Variants in SGCD observed in about 807,000 individuals in gnomAD.
SGCD encodes the protein sarcoglycan delta.
A neutral mutation model predicts 36.6 loss-of-function variants in SGCD; 18 were observed. The ratio of observed to expected loss-of-function variants is 0.49; its 90% CI spans 0.34 to 0.73. The LOEUF is 0.73. SGCD is among the 30% of genes least tolerant of loss of function. SGCD has a pLI of 0.01. For missense variants in SGCD, 387 were observed against 346.7 expected, an observed-to-expected ratio of 1.12 and a Z score of -0.92; for synonymous variants, 133 against 130.6, an observed-to-expected ratio of 1.02 and a Z score of -0.12.
At chr5:156,491,862 A>G (rs1755958664) in intron 3 of SGCD, among the ~76,000 whole-genome samples, 1 of 152,086 alleles carries the variant, frequency 6.6e-6, no homozygotes, top group Non-Finnish European at 1.5e-5. Context: ...GACATAACTC[A>G]TTTTTATATA....
intron 1 of SGCD, among the ~76,000 whole-genome samples, chr5:155,877,018 T>C (rs975855279): frequency 6.6e-6 from 1 of 152,146 alleles, no homozygotes; most frequent in Non-Finnish European, 1.5e-5. Flanking sequence ...AAGGAACTTA[T>C]GGTTGTACTG....
chr5:156,610,533 G>C (rs1258742783), intron 6 of SGCD, among the ~76,000 whole-genome samples: 1 of 152,250 alleles, frequency 6.6e-6, no homozygotes, highest in Non-Finnish European at 1.5e-5. Flanking sequence ...CAGATCTCCA[G>C]CTGCGTGCTG....
intron 1 of SGCD, among the ~76,000 whole-genome samples, chr5:155,908,579 T>A (rs541604488): frequency 2.0e-4 from 31 of 152,242 alleles, no homozygotes; most frequent in Admixed American, 1.0e-3. Flanking sequence ...GATTTTTGAA[T>A]CTATTTCTAC....
intron 1 of SGCD, among the ~76,000 whole-genome samples, chr5:155,902,393 T>A (rs1395125712): frequency 6.6e-6 from 1 of 152,232 alleles, no homozygotes; most frequent in Non-Finnish European, 1.5e-5. Context: ...AAGTTATTTA[T>A]CCATACTTTA....
chr5:156,544,446 C>T (rs1031207385), intron 4 of SGCD, among the ~76,000 whole-genome samples: 7 of 152,086 alleles, frequency 4.6e-5, no homozygotes, highest in African/African-American at 1.7e-4. Flanking sequence ...TGAGAATTGC[C>T]ACTCAGCCAT....
intron 3 of SGCD, among the ~76,000 whole-genome samples, chr5:156,398,359 A>G (rs1771971736): frequency 6.6e-6 from 1 of 152,204 alleles, no homozygotes. Flanking sequence ...TTAGAATCAG[A>G]AAGGCCTGTT....
chr5:156,490,178 A>G (rs1266963082), intron 3 of SGCD, among the ~76,000 whole-genome samples: 2 of 152,040 alleles, frequency 1.3e-5, no homozygotes, highest in Non-Finnish European at 2.9e-5. Flanking sequence ...GAAAACACGA[A>G]CGGAACAAAA....
At position 156,196,144 on chromosome 5, in the gene SGCD, A is replaced by T. The variant is rs541361018; in HGVS notation, c.-44+72125A>T. ...CCCAGACCTAGGAGCTGTAGCCACT[A>T]TATTGGGTCACTACCTCTGTGATGT... On this transcript the variant is annotated intron_variant, in intron 3 of 9. Transcript: ENST00000517913. Among the ~76,000 whole-genome samples, 61 of 152,240 alleles carry T rather than the reference A, an allele frequency of 4.0e-4. 1 individual carries two copies. The South Asian group carries it at 0.012, about 30-fold the overall frequency.
rs570995677 is a variant in SGCD, at chr5:156,589,172, A to C, written c.295-59A>C. Reference sequence around the variant, plus strand: ...CAGCCCCTTGGAGAGTTGTAATGACAGTTCTTTTTGTTTAGAAATCTATCA... The same window carrying C: ...CAGCCCCTTGGAGAGTTGTAATGACCGTTCTTTTTGTTTAGAAATCTATCA... On this transcript the variant is annotated intron_variant, in intron 4 of 8. Transcript: ENST00000337851. 9 of 1,250,840 alleles carry C rather than the reference A, an allele frequency of 7.2e-6. No homozygotes were observed. In the African/African-American group the frequency reaches 1.3e-4, roughly 19 times the overall value. 77.5% of individuals were successfully genotyped at this position (1,250,840 alleles called of 1,614,324 possible).
At chr5:156,519,158 C>A (rs1335448185) in intron 4 of SGCD, among the ~76,000 whole-genome samples, 4 of 152,050 alleles carry the variant, frequency 2.6e-5, no homozygotes, top group Non-Finnish European at 5.9e-5. Flanking sequence ...GATATTATCA[C>A]TGATCCCACA....
At chr5:156,519,071 G>A (rs1045162894) in intron 4 of SGCD, among the ~76,000 whole-genome samples, 10 of 149,316 alleles carry the variant, frequency 6.7e-5, no homozygotes, top group African/African-American at 2.2e-4. Flanking sequence ...CTGGTTTTTT[G>A]AAAAAAAAAT....
chr5:156,499,367 A>G (rs1330397205), intron 3 of SGCD, among the ~76,000 whole-genome samples: 5 of 152,228 alleles, frequency 3.3e-5, no homozygotes, highest in Non-Finnish European at 7.3e-5. Context: ...GGTATAGGCA[A>G]TGTACTGAGC....
intron 3 of SGCD, among the ~76,000 whole-genome samples, chr5:156,319,217 G>C (rs2127695442): frequency 6.6e-6 from 1 of 152,294 alleles, no homozygotes; most frequent in African/African-American, 2.4e-5. Context: ...GGCTCAGGAT[G>C]TTAAAACTGT....
intron 3 of SGCD, among the ~76,000 whole-genome samples, chr5:156,377,976 G>T (rs1770761132): frequency 6.6e-6 from 1 of 152,072 alleles, no homozygotes; most frequent in African/African-American, 2.4e-5. Context: ...TTTCTCCTAT[G>T]ATTTAGCAAT....
intron 3 of SGCD, among the ~76,000 whole-genome samples, chr5:156,231,062 AG>A (rs1382619918): frequency 6.6e-6 from 1 of 152,174 alleles, no homozygotes; most frequent in Non-Finnish European, 1.5e-5. Context: ...AGGAAGTGAA[AG>A]GTAATGAGTT....
intron 4 of SGCD, among the ~76,000 whole-genome samples, chr5:156,534,763 G>A (rs77385690): frequency 0.043 from 6,503 of 152,172 alleles, 297 homozygotes; most frequent in African/African-American, 0.11. Flanking sequence ...CTCTCTATCC[G>A]TAATATGGGT....
In SGCD at chr5:156,504,320, A is replaced by G. The variant is rs1756594133; in HGVS notation, c.193-4281A>G. On this transcript the variant is annotated intron_variant, in intron 3 of 8. Coordinates refer to ENST00000337851, the MANE Select transcript of SGCD (RefSeq NM_000337.6). ...TTAACATTTGAGTATAATTCCCCCT[A>G]GAATTTTTCTCCAATAAAATTTCCT... Among the ~76,000 whole-genome samples, 4 of 151,110 alleles carry G rather than the reference A, an allele frequency of 2.6e-5. No individual in the cohort carries two copies. In the South Asian group the frequency reaches 8.3e-4, roughly 31 times the overall value.
intron 3 of SGCD, among the ~76,000 whole-genome samples, chr5:156,359,728 G>A (rs1419154501): frequency 2.6e-5 from 4 of 152,164 alleles, no homozygotes; most frequent in Non-Finnish European, 5.9e-5. Flanking sequence ...TCCCTAAGAT[G>A]CACTCATTTC....
At chr5:156,473,584 C>T (rs957313356) in intron 3 of SGCD, among the ~76,000 whole-genome samples, 2 of 152,162 alleles carry the variant, frequency 1.3e-5, no homozygotes, top group Admixed American at 6.5e-5. Flanking sequence ...GACGAGGGGA[C>T]TACTGTGTGT....
Sources: gnomAD v4.1 joint callset for allele counts (sites outside exome capture counted in the v4.1 genomes callset) on GRCh38, gnomAD v4.1.1 for gene constraint, MANE v1.5 for transcripts, NCBI Gene and HGNC (gene_info 2026-07-23, HGNC 2026-07-21) for gene names.